The following ANK2 variants were observed in gnomAD, a reference collection of about 807,000 sequenced individuals.
The protein encoded by ANK2 is ankyrin-2.
A neutral mutation model predicts 360.5 loss-of-function variants in ANK2; 83 were observed. The ratio of observed to expected loss-of-function variants is 0.23; its 90% CI spans 0.19 to 0.28. ANK2 has a LOEUF of 0.28. ANK2 is among the 10% of genes least tolerant of loss of function. The pLI is 1.00. For synonymous variants in ANK2, 1,740 were observed against 1,759.5 expected, an observed-to-expected ratio of 0.99 and a Z score of 0.28; for missense variants, 4,201 against 4,795.7, an observed-to-expected ratio of 0.88 and a Z score of 3.66.
At chr4:113,219,338 GTAC>G (rs920788597) in intron 4 of ANK2, among the ~76,000 whole-genome samples, 2 of 151,450 alleles carry the variant, frequency 1.3e-5, no homozygotes, top group Non-Finnish European at 3.0e-5. Flanking sequence ...AACAAATTGG[GTAC>G]AACAACTGTA....
intron 1 of ANK2, among the ~76,000 whole-genome samples, chr4:112,839,146 G>C (rs761170059): frequency 7.9e-5 from 12 of 152,214 alleles, no homozygotes; most frequent in Non-Finnish European, 1.3e-4. Context: ...GTGATGGATA[G>C]AGCTAGCCTT....
At chr4:112,879,835 T>C (rs1033841257) in intron 1 of ANK2, among the ~76,000 whole-genome samples, 2 of 152,204 alleles carry the variant, frequency 1.3e-5, no homozygotes, top group African/African-American at 4.8e-5. Context: ...CCAGTGTCTA[T>C]GTGATCTGGC....
intron 1 of ANK2, among the ~76,000 whole-genome samples, chr4:113,142,110 T>A (rs1478213521): frequency 1.3e-5 from 2 of 152,262 alleles, no homozygotes; most frequent in African/African-American, 4.8e-5. Flanking sequence ...GACATTGTTC[T>A]GCCCTGGCAG....
the ANK2 span, among the ~76,000 whole-genome samples, chr4:112,810,141 ATATATATATATATATATATTTTTTT>A: frequency 8.5e-4 from 22 of 26,028 alleles, no homozygotes; most frequent in East Asian, 0.043. Context: ...ATATATATAT[ATATATATATATATATATATTTTTTT>A]TTTTTTTTTT....
At chr4:113,016,127 C>A (rs774491549) in intron 2 of ANK2, among the ~76,000 whole-genome samples, 18 of 151,872 alleles carry the variant, frequency 1.2e-4, no homozygotes, top group Non-Finnish European at 2.1e-4. Flanking sequence ...TGGGTTCAAG[C>A]CATGCTCCCA....
the ANK2 span, among the ~76,000 whole-genome samples, chr4:112,756,797 A>G: frequency 6.6e-6 from 1 of 152,074 alleles, no homozygotes; most frequent in Non-Finnish European, 1.5e-5. Context: ...ACATAGTACA[A>G]CCCCATCTCT....
At chr4:112,725,217 G>A in the ANK2 span, among the ~76,000 whole-genome samples, 1 of 149,038 alleles carries the variant, frequency 6.7e-6, no homozygotes, top group Admixed American at 6.7e-5. Flanking sequence ...AGGAGGTGGA[G>A]GTTGCAGTGA....
intron 1 of ANK2, chr4:112,904,423 C>T: frequency 8.2e-7 from 1 of 1,220,156 alleles, no homozygotes; most frequent in Non-Finnish European, 1.1e-6. Flanking sequence ...TGATTTCAAA[C>T]TTCTAATATT....
At chr4:113,271,931 G>A (rs776647424) in intron 14 of ANK2, among the ~76,000 whole-genome samples, 1 of 152,130 alleles carries the variant, frequency 6.6e-6, no homozygotes, top group Non-Finnish European at 1.5e-5. Flanking sequence ...TACTGAGAAG[G>A]CCACCAGAGC....
At chr4:112,946,568 C>T (rs1190640720) in intron 2 of ANK2, among the ~76,000 whole-genome samples, 1 of 152,188 alleles carries the variant, frequency 6.6e-6, no homozygotes, top group Non-Finnish European at 1.5e-5. Context: ...CAATCAGATG[C>T]AGCTGTCCAT....
chr4:112,980,972 C>T (rs2042956883), intron 2 of ANK2, among the ~76,000 whole-genome samples: 1 of 152,210 alleles, frequency 6.6e-6, no homozygotes, highest in African/African-American at 2.4e-5. Flanking sequence ...TGCCCAAGAA[C>T]TTACAGCTGA....
the ANK2 span, among the ~76,000 whole-genome samples, chr4:112,793,060 G>A: frequency 6.6e-6 from 1 of 151,744 alleles, no homozygotes; most frequent in Admixed American, 6.6e-5. Context: ...AGAAGAATGT[G>A]GTTTACTTCA....
Position 113,165,292 on chromosome 4 carries a change from T to C in ANK2, c.85-9124T>C, listed in dbSNP as rs933440615. 7.2e-5 allele frequency among the ~76,000 whole-genome samples: 11 copies of C among 152,338 alleles called. No homozygotes were observed. The East Asian group carries it at 2.1e-3, about 29-fold the overall frequency. On this transcript the variant is annotated intron_variant, in intron 1 of 45. Transcript: ENST00000357077. ...AGATCCTAAAGCAATAATTGAGAACTATTTAGAATTCAGTCATATATAGAT... is the reference window on the plus strand; with the variant it reads ...AGATCCTAAAGCAATAATTGAGAACCATTTAGAATTCAGTCATATATAGAT...
intron 1 of ANK2, among the ~76,000 whole-genome samples, chr4:113,121,248 C>T (rs1390228681): frequency 1.3e-5 from 2 of 152,138 alleles, no homozygotes; most frequent in Admixed American, 6.6e-5. Flanking sequence ...CTTAATCACA[C>T]ACAAGTAGCA....
chr4:113,137,203 C>T (rs13135212), intron 1 of ANK2, among the ~76,000 whole-genome samples: 23,599 of 152,244 alleles, frequency 0.16, 2,351 homozygotes, highest in Non-Finnish European at 0.23. Flanking sequence ...GAAAGATCTC[C>T]TTGGCTAAGG....
intron 1 of ANK2, among the ~76,000 whole-genome samples, chr4:113,072,953 C>CTTTTTTT (rs77468290): frequency 3.4e-5 from 2 of 59,408 alleles, no homozygotes; most frequent in African/African-American, 1.5e-4. Context: ...AGGACAGTGT[C>CTTTTTTT]TTTTTTTTTT....
At position 113,172,502 on chromosome 4, in the gene ANK2, G is replaced by T. The variant is rs2098014735; in HGVS notation, c.85-1914G>T. On this transcript the variant is annotated intron_variant, in intron 1 of 45. Transcript: ENST00000357077. ...AATCTCTTTCCTCATCTATTAAATGGGCATAAGAATAGTTTTTTTCTCATA... is the reference window on the plus strand; with the variant it reads ...AATCTCTTTCCTCATCTATTAAATGTGCATAAGAATAGTTTTTTTCTCATA... 2.0e-5 allele frequency among the ~76,000 whole-genome samples: 3 copies of T among 152,060 alleles called. No homozygotes were observed. The South Asian group carries it at 6.2e-4, about 31-fold the overall frequency.
At chr4:113,345,424 A>G (rs1011379500) in intron 34 of ANK2, among the ~76,000 whole-genome samples, 2 of 152,216 alleles carry the variant, frequency 1.3e-5, no homozygotes, top group Admixed American at 6.6e-5. Context: ...AATAGTAAAA[A>G]TGGTAAACTG....
intron 4 of ANK2, among the ~76,000 whole-genome samples, chr4:113,231,129 G>A (rs1217832317): frequency 3.4e-5 from 5 of 149,180 alleles, no homozygotes; most frequent in Non-Finnish European, 5.9e-5. Context: ...TTGGCTCACT[G>A]TAATCTCCGC....
Sources: allele counts gnomAD v4.1 joint callset (sites outside exome capture counted in the v4.1 genomes callset), GRCh38; gene constraint gnomAD v4.1.1; transcripts MANE v1.5; gene names NCBI Gene and HGNC (gene_info 2026-07-23, HGNC 2026-07-21).